Variants in NTM observed in about 807,000 individuals in gnomAD.
The protein encoded by NTM is IgLON family member 2.
A neutral mutation model predicts 42.1 loss-of-function variants in NTM; 13 were observed. The observed-to-expected ratio is 0.31, with a 90% confidence interval of 0.20 to 0.49. The LOEUF (loss-of-function observed/expected upper bound fraction) is 0.49, where lower values mean the gene tolerates loss of function less well. NTM is among the 20% of genes least tolerant of loss of function. The pLI, the probability that NTM is intolerant of heterozygous loss-of-function variation, is 0.99. For missense variants in NTM, 373 were observed against 452.8 expected, an observed-to-expected ratio of 0.82 and a Z score of 1.60; for synonymous variants, 187 against 179.2, an observed-to-expected ratio of 1.04 and a Z score of -0.35.
At chr11:132,326,947 G>T (rs1430819772) in intron 7 of NTM, among the ~76,000 whole-genome samples, 1 of 152,224 alleles carries the variant, frequency 6.6e-6, no homozygotes, top group East Asian at 1.9e-4. Context: ...TTGGCTTTAA[G>T]AGAAGTTCAA....
intron 1 of NTM, chr11:131,455,319 C>A (rs1447966226): frequency 6.6e-6 from 1 of 152,248 alleles, no homozygotes; most frequent in Non-Finnish European, 1.5e-5. Context: ...AGAGGCTGTG[C>A]AGCTCTCTGA....
chr11:132,147,175 TTG>T (rs751528769), intron 3 of NTM, among the ~76,000 whole-genome samples: 21,646 of 122,890 alleles, frequency 0.18, 1,843 homozygotes, highest in African/African-American at 0.26. Flanking sequence ...CCTTGTATGT[TTG>T]TGTGTGTGTG....
At chr11:131,750,508 A>C (rs2082358034) in intron 1 of NTM, among the ~76,000 whole-genome samples, 2 of 152,172 alleles carry the variant, frequency 1.3e-5, no homozygotes, top group Non-Finnish European at 2.9e-5. Context: ...TGGTGCCTCC[A>C]TCAGACCAAT....
chr11:132,267,372 T>C (rs1448739396), intron 4 of NTM, among the ~76,000 whole-genome samples: 1 of 152,218 alleles, frequency 6.6e-6, no homozygotes, highest in Admixed American at 6.5e-5. Flanking sequence ...TACATGACTC[T>C]CTTTAAATCT....
At chr11:132,087,922 G>A (rs1037753211) in intron 2 of NTM, among the ~76,000 whole-genome samples, 1 of 152,220 alleles carries the variant, frequency 6.6e-6, no homozygotes, top group Non-Finnish European at 1.5e-5. Flanking sequence ...CCAGCCGGCT[G>A]CACAGGGCCC....
intron 2 of NTM, among the ~76,000 whole-genome samples, chr11:131,972,239 A>G (rs1396855500): frequency 6.6e-6 from 1 of 151,958 alleles, no homozygotes; most frequent in Non-Finnish European, 1.5e-5. Context: ...ACATACATAC[A>G]TACATAAAAA....
intron 3 of NTM, among the ~76,000 whole-genome samples, chr11:132,210,050 T>C (rs1378484526): frequency 6.6e-6 from 1 of 152,080 alleles, no homozygotes; most frequent in East Asian, 1.9e-4. Context: ...AGCATTAAAA[T>C]TTGCAAACCC....
chr11:132,126,984 G>T (rs1440125080), intron 2 of NTM, among the ~76,000 whole-genome samples: 1 of 152,182 alleles, frequency 6.6e-6, no homozygotes, highest in African/African-American at 2.4e-5. Context: ...GGGCCTTATT[G>T]TCAGTCTTTT....
At chr11:132,330,113 C>A (rs1381832104) in intron 7 of NTM, 40 bp from the exon 8 acceptor site, 2 of 1,551,132 alleles carry the variant, frequency 1.3e-6, no homozygotes, top group Non-Finnish European at 1.7e-6. Context: ...TCTCCGTCTG[C>A]TTTCGACCTT....
At chr11:131,465,428 C>A (rs1482877636) in intron 1 of NTM, among the ~76,000 whole-genome samples, 1 of 152,068 alleles carries the variant, frequency 6.6e-6, no homozygotes, top group African/African-American at 2.4e-5. Context: ...ACTAGAAGTA[C>A]TAGACTGGTG....
chr11:131,551,172 C>T (rs778234526), intron 1 of NTM, among the ~76,000 whole-genome samples: 1 of 152,184 alleles, frequency 6.6e-6, no homozygotes, highest in Admixed American at 6.5e-5. Flanking sequence ...CCCAGCTCAG[C>T]CCTTGCTTTT....
At chr11:131,661,094 G>T in intron 1 of NTM, 2 of 1,267,800 alleles carry the variant, frequency 1.6e-6, no homozygotes, top group Non-Finnish European at 2.1e-6. Flanking sequence ...ACTGGTGGGG[G>T]GGTCTTCCCC....
At chr11:131,619,690 C>T (rs2062324450) in intron 1 of NTM, among the ~76,000 whole-genome samples, 2 of 151,900 alleles carry the variant, frequency 1.3e-5, no homozygotes, top group African/African-American at 4.8e-5. Context: ...AGAGATAGAG[C>T]CAAATGGAAT....
intron 2 of NTM, among the ~76,000 whole-genome samples, chr11:131,958,378 G>T (rs372047896): frequency 6.6e-6 from 1 of 152,140 alleles, no homozygotes; most frequent in Non-Finnish European, 1.5e-5. Flanking sequence ...AGAGAAGACC[G>T]CACAGGTAAG....
At chr11:132,071,242 C>G (rs1353026306) in intron 2 of NTM, among the ~76,000 whole-genome samples, 8 of 134,788 alleles carry the variant, frequency 5.9e-5, no homozygotes, top group Admixed American at 1.5e-4. Context: ...TAACACGTCA[C>G]TCAGCCAAGT....
intron 7 of NTM, 89 bp from the exon 8 acceptor site, chr11:132,330,064 C>A: frequency 6.5e-7 from 1 of 1,534,034 alleles, no homozygotes; most frequent in Non-Finnish European, 8.8e-7. Context: ...GCCAGGAGCG[C>A]CAGCTTCTTC....
At chr11:132,175,053 C>T (rs975280702) in intron 3 of NTM, among the ~76,000 whole-genome samples, 40 of 152,186 alleles carry the variant, frequency 2.6e-4, no homozygotes, top group African/African-American at 7.9e-4. Flanking sequence ...TAGCAGCATT[C>T]GGTCTTGGAA....
intron 3 of NTM, among the ~76,000 whole-genome samples, chr11:132,185,435 CAA>C (rs1297178664): frequency 1.3e-5 from 2 of 152,192 alleles, no homozygotes; most frequent in Non-Finnish European, 2.9e-5. Flanking sequence ...ATAATGCACA[CAA>C]AGACTTTTTC....
At chr11:131,989,582 G>A (rs935054892) in intron 2 of NTM, among the ~76,000 whole-genome samples, 4 of 152,104 alleles carry the variant, frequency 2.6e-5, no homozygotes, top group Non-Finnish European at 2.9e-5. Context: ...GCAGGATATC[G>A]AAGTGAAAAG....
Sources: gnomAD v4.1 joint callset for allele counts (sites outside exome capture counted in the v4.1 genomes callset) on GRCh38, gnomAD v4.1.1 for gene constraint, MANE v1.5 for transcripts, NCBI Gene and HGNC (gene_info 2026-07-23, HGNC 2026-07-21) for gene names.